ZNF280D: variants seen among roughly 807,000 people sequenced by gnomAD.
The protein encoded by ZNF280D is suppressor of hairy wing homolog 4.
ZNF280D carries 39 observed loss-of-function variants against 94.7 expected under a neutral mutation model. The ratio of observed to expected loss-of-function variants is 0.41; its 90% CI spans 0.32 to 0.54. The LOEUF is 0.54. Among genes scored for constraint, ZNF280D ranks in the 20% least tolerant of loss-of-function variants. The pLI, the probability that ZNF280D is intolerant of heterozygous loss-of-function variation, is 0.22. For synonymous variants in ZNF280D, 398 were observed against 377.6 expected (o/e 1.05, Z -0.63); for missense variants, 1,090 against 1,149.3 (o/e 0.95, Z 0.75).
chr15:56,670,584 TCCA>T (rs1344918336), intron 13 of ZNF280D, among the ~76,000 whole-genome samples: 2 of 152,142 alleles, frequency 1.3e-5, no homozygotes, highest in Non-Finnish European at 2.9e-5. Flanking sequence ...TTTCATCCAG[TCCA>T]CCACTGATGG....
chr15:56,630,216 A>G lies in ZNF280D; in HGVS notation c.*1282T>C, dbSNP rs1311528353. On this transcript the variant is annotated 3_prime_UTR_variant, in exon 22 of 22. Transcript: ENST00000267807. ...TTTTTATTGCAAATATTTACTCAAA[A>G]ACTACTATATACAGCAGAGTATTTT... The G allele has an allele frequency of 2.6e-5, 4 of 152,152 alleles. No individual in the cohort carries two copies. The highest frequency in any genetic ancestry group is 4.4e-5 in the Non-Finnish European group (3 of 67,994). The allele number at this position is 152,152 out of a possible 1,614,324, so 9.4% of individuals were successfully genotyped here. A position where few individuals can be genotyped will look rare whatever the true frequency, so the allele number is the denominator to read the frequency against.
chr15:56,653,765 G>C (rs2053354649), intron 19 of ZNF280D: 1 of 1,260,492 alleles, frequency 7.9e-7, no homozygotes, highest in Non-Finnish European at 9.9e-7. Context: ...GTACAGCAGA[G>C]AAAAACAAAA....
intron 9 of ZNF280D, 150 bp downstream of exon 9, chr15:56,688,891 T>A: frequency 2.2e-6 from 1 of 463,710 alleles, no homozygotes. Flanking sequence ...AATTTGAGAA[T>A]CTATATAATC....
At chr15:56,709,057 C>G (rs1333864548) in intron 1 of ZNF280D, among the ~76,000 whole-genome samples, 2 of 152,094 alleles carry the variant, frequency 1.3e-5, no homozygotes, top group Non-Finnish European at 2.9e-5. Context: ...AAACTACCAT[C>G]AGAGTGAACA....
intron 1 of ZNF280D, among the ~76,000 whole-genome samples, chr15:56,728,204 G>T (rs1013971197): frequency 7.2e-5 from 11 of 151,898 alleles, no homozygotes; most frequent in Admixed American, 6.6e-4. Flanking sequence ...TTTATTTTTT[G>T]TAGAGACAAG....
chr15:56,703,991 C>G, intron 4 of ZNF280D, 130 bp downstream of exon 4: 2 of 934,744 alleles, frequency 2.1e-6, no homozygotes, highest in Non-Finnish European at 1.5e-6. Context: ...TTACCTCCTT[C>G]CTCAAGTCCC....
chr15:56,681,048 C>T (rs559513607), intron 10 of ZNF280D, among the ~76,000 whole-genome samples: 1 of 151,996 alleles, frequency 6.6e-6, no homozygotes, highest in African/African-American at 2.4e-5. Context: ...TATTGATGGC[C>T]CTTAAAGTTT....
intron 4 of ZNF280D, among the ~76,000 whole-genome samples, chr15:56,701,912 T>G (rs1428495177): frequency 4.6e-5 from 7 of 151,924 alleles, no homozygotes; most frequent in Non-Finnish European, 7.4e-5. Flanking sequence ...CAATTTAAAG[T>G]TCCTCATTCT....
rs746737614 is a variant in ZNF280D at position 56,693,148 on chromosome 15, T to G, written c.449A>C (p.Gln150Pro). 4 of 1,606,536 alleles carry G rather than the reference T, an allele frequency of 2.5e-6. No individual in the cohort carries two copies. In the South Asian group the frequency reaches 4.5e-5, roughly 18 times the overall value. ...KSSELLFDLT[Q>P]DTGLSHYQGG... The stretch of plus-strand genomic sequence containing the variant: ...TTGGTAATGTGATAATCCTGTATCC[T>G]GGGTCAAGTCAAACAGTAACTCTGA... Residue 150 changes from glutamine to proline, a missense_variant, in exon 7 of 22, where the codon CAG becomes CCG. Coordinates refer to ENST00000267807, the MANE Select transcript of ZNF280D (RefSeq NM_017661.4).
Position 56,693,180 on chromosome 15 carries a change from A to G in ZNF280D, c.417T>C (p.Asn139=). 6.3e-7 allele frequency: 1 copy of G among 1,598,796 alleles called. No individual in the cohort carries two copies. The highest frequency in any genetic ancestry group is 8.5e-7 in the Non-Finnish European group (1 of 1,173,394). The part of the protein sequence containing the change: ...YITNSSRVVS[N]KSSELLFDLT... The stretch of plus-strand genomic sequence containing the variant: ...AGTCAAACAGTAACTCTGATGACTT[A>G]TTAGACACAACTCGTGATGAGTTTG... Residue 139 remains asparagine, a synonymous_variant, in exon 7 of 22, where the codon AAT becomes AAC. Coordinates refer to ENST00000267807, the MANE Select transcript of ZNF280D (RefSeq NM_017661.4).
chr15:56,637,337 G>C (rs909555142), intron 20 of ZNF280D, among the ~76,000 whole-genome samples: 1 of 110,416 alleles, frequency 9.1e-6, no homozygotes, highest in African/African-American at 3.2e-5. Flanking sequence ...AACATGACTG[G>C]CTAGTTAAAA....
intron 1 of ZNF280D, among the ~76,000 whole-genome samples, chr15:56,728,650 A>T (rs1176504679): frequency 2.6e-5 from 4 of 152,192 alleles, no homozygotes; most frequent in Non-Finnish European, 5.9e-5. Context: ...TATAAGACAA[A>T]TAGTTCCAGG....
chr15:56,724,895 T>C (rs1489365111), intron 1 of ZNF280D: 5 of 454,998 alleles, frequency 1.1e-5, no homozygotes, highest in Non-Finnish European at 2.2e-5. Context: ...TCTCATGGAA[T>C]GTAAGAAAGC....
chr15:56,676,263 C>T (rs1381792327), intron 13 of ZNF280D, among the ~76,000 whole-genome samples: 2 of 152,022 alleles, frequency 1.3e-5, no homozygotes, highest in African/African-American at 2.4e-5. Flanking sequence ...AAGAGCAAAA[C>T]GAAAAATAAG....
intron 6 of ZNF280D, chr15:56,699,327 G>A: frequency 1.1e-6 from 1 of 922,428 alleles, no homozygotes; most frequent in South Asian, 5.0e-5. Flanking sequence ...AGCAAATATA[G>A]CTCACACCTC....
intron 20 of ZNF280D, among the ~76,000 whole-genome samples, chr15:56,637,851 A>G (rs1029298366): frequency 6.6e-6 from 1 of 152,182 alleles, no homozygotes; most frequent in South Asian, 2.1e-4. Flanking sequence ...TTAAAAAAAA[A>G]AACTTTATTA....
chr15:56,697,882 C>T (rs1237946953), intron 6 of ZNF280D: 1 of 152,112 alleles, frequency 6.6e-6, no homozygotes. Context: ...TGTTTCACAT[C>T]TTTGCAAAGC....
At position 56,695,533 on chromosome 15, in the gene ZNF280D, C is replaced by CT. The variant is rs10652553; in HGVS notation, c.382-2319dup. On this transcript the variant is annotated intron_variant, in intron 6 of 21. Coordinates refer to ENST00000267807, the MANE Select transcript of ZNF280D (RefSeq NM_017661.4). ...GATAAAACTATTGTGCAAAAATTAA[C>CT]TTTTTTTTTTTTTTTGAGACGGAGT... Among the ~76,000 whole-genome samples, 1,051 of 140,622 alleles carry CT rather than the reference C, an allele frequency of 7.5e-3. 31 individuals are homozygous for CT. The highest frequency in any genetic ancestry group is 0.022 in the African/African-American group (826 of 37,748). The allele number at this position is 140,622 out of a possible 152,430, so 92.3% of individuals were successfully genotyped here. A position where few individuals can be genotyped will look rare whatever the true frequency, so the allele number is the denominator to read the frequency against.
chr15:56,647,079 G>A (rs2052932564), intron 19 of ZNF280D, among the ~76,000 whole-genome samples: 1 of 152,188 alleles, frequency 6.6e-6, no homozygotes, highest in South Asian at 2.1e-4. Context: ...CCATGCTAAA[G>A]TGTTCATGCT....
Sources: allele counts gnomAD v4.1 joint callset (sites outside exome capture counted in the v4.1 genomes callset), GRCh38; gene constraint gnomAD v4.1.1; transcripts MANE v1.5; gene names NCBI Gene and HGNC (gene_info 2026-07-23, HGNC 2026-07-21).